BCAS1: variants seen among roughly 807,000 people sequenced by gnomAD.
The protein encoded by BCAS1 is breast carcinoma-amplified sequence 1.
Under a neutral mutation model 65.4 loss-of-function variants are expected in BCAS1, and 46 were observed. The ratio of observed to expected loss-of-function variants is 0.70; its 90% CI spans 0.55 to 0.90. The LOEUF (loss-of-function observed/expected upper bound fraction) is 0.90. Ranked by LOEUF, BCAS1 falls within the 40% of genes least tolerant of loss-of-function variation. The pLI is 0.00. For synonymous variants in BCAS1, 298 were observed against 293.5 expected, an observed-to-expected ratio of 1.02 and a Z score of -0.16; for missense variants, 793 against 771.2, an observed-to-expected ratio of 1.03 and a Z score of -0.33.
At chr20:53,983,225 G>GATA (rs3838056) in intron 8 of BCAS1, among the ~76,000 whole-genome samples, 6,207 of 152,242 alleles carry the variant, frequency 0.041, 514 homozygotes, top group East Asian at 0.36. Context: ...AGTATAGAAA[G>GATA]ATAAAGACGT....
At chr20:54,032,280 C>T (rs936169556) in intron 3 of BCAS1, among the ~76,000 whole-genome samples, 1 of 151,232 alleles carries the variant, frequency 6.6e-6, no homozygotes, top group African/African-American at 2.4e-5. Flanking sequence ...CAAGCAAATG[C>T]TAAGGGAATT....
intron 4 of BCAS1, among the ~76,000 whole-genome samples, chr20:54,018,972 A>G (rs904555990): frequency 6.6e-5 from 10 of 152,242 alleles, no homozygotes; most frequent in Middle Eastern, 3.2e-3. Flanking sequence ...TCTGAAATAT[A>G]GAATTGTATT....
At chr20:53,960,323 C>A (rs562147824) in intron 10 of BCAS1, among the ~76,000 whole-genome samples, 5 of 151,968 alleles carry the variant, frequency 3.3e-5, no homozygotes, top group African/African-American at 9.6e-5. Context: ...GCTTTCTTTC[C>A]CCCCATTTCT....
At chr20:53,991,318 T>C (rs897368121) in intron 7 of BCAS1, among the ~76,000 whole-genome samples, 21 of 152,324 alleles carry the variant, frequency 1.4e-4, no homozygotes, top group African/African-American at 5.1e-4. Flanking sequence ...TTCTTTTCTC[T>C]TCACAGAACA....
At chr20:53,962,962 T>G (rs2145595221) in intron 10 of BCAS1, among the ~76,000 whole-genome samples, 1 of 152,046 alleles carries the variant, frequency 6.6e-6, no homozygotes, top group East Asian at 1.9e-4. Context: ...GCCATTCTCC[T>G]GCCTCAGCCT....
At chr20:53,965,158 G>A (rs560176210) in intron 10 of BCAS1, among the ~76,000 whole-genome samples, 6 of 152,296 alleles carry the variant, frequency 3.9e-5, no homozygotes, top group African/African-American at 1.4e-4. Context: ...CATATGGGCC[G>A]CCCACAACTG....
At chr20:53,948,219 C>G (rs1600678572) in intron 12 of BCAS1, among the ~76,000 whole-genome samples, 1 of 152,180 alleles carries the variant, frequency 6.6e-6, no homozygotes, top group African/African-American at 2.4e-5. Flanking sequence ...GCTTACTTCC[C>G]CGAGGTTTCC....
chr20:54,059,597 C>T (rs1380638802), intron 1 of BCAS1, among the ~76,000 whole-genome samples: 1 of 151,350 alleles, frequency 6.6e-6, no homozygotes, highest in Non-Finnish European at 1.5e-5. Context: ...CACTTAAGGG[C>T]GAGAAAATGT....
At chr20:54,012,478 A>AAAG (rs2091343648) in intron 4 of BCAS1, among the ~76,000 whole-genome samples, 1 of 152,116 alleles carries the variant, frequency 6.6e-6, no homozygotes, top group African/African-American at 2.4e-5. Flanking sequence ...AAAAAAAAAA[A>AAAG]AAAAAAGCTT....
intron 1 of BCAS1, among the ~76,000 whole-genome samples, chr20:54,067,516 A>G (rs558575838): frequency 6.6e-6 from 1 of 152,216 alleles, no homozygotes; most frequent in African/African-American, 2.4e-5. Flanking sequence ...CATTTATCTT[A>G]TTATTGTTAT....
intron 12 of BCAS1, 100 bp from the exon 13 acceptor site, chr20:53,945,096 G>T: frequency 9.6e-7 from 1 of 1,044,450 alleles, no homozygotes; most frequent in Non-Finnish European, 1.5e-6. Flanking sequence ...TAGGTGTTGG[G>T]CTAAATTAAT....
At position 53,957,461 on chromosome 20, in the gene BCAS1, C is replaced by T. The variant is rs1458881413; in HGVS notation, c.1522G>A (p.Glu508Lys). The T allele has an allele frequency of 6.2e-7, 1 of 1,614,112 alleles. No homozygotes were observed. Among genetic ancestry groups the T allele is most frequent in the Non-Finnish European group, 8.5e-7 (1 of 1,179,948 alleles). ...CAGCTGGAGTCTTTCCCATTTATTT[C>T]TTCTGAGTGGGTGATCCCTCCATCC... ...KGDGGITHSE[E>K]INGKDSSCQT... is the part of the protein sequence containing the mutation. Residue 508 changes from glutamate to lysine, a missense_variant, in exon 11 of 13, where the codon GAA becomes AAA. Transcript: ENST00000688948.
At chr20:53,974,240 C>A (rs1221752675) in intron 9 of BCAS1, among the ~76,000 whole-genome samples, 1 of 152,152 alleles carries the variant, frequency 6.6e-6, no homozygotes. Flanking sequence ...CGCTTGGGTC[C>A]CCTTCCACGC....
intron 4 of BCAS1, among the ~76,000 whole-genome samples, chr20:54,027,760 G>C (rs1455505441): frequency 6.6e-6 from 1 of 150,576 alleles, no homozygotes; most frequent in East Asian, 1.9e-4. Context: ...CTGATTCCAG[G>C]ATACCTTCTT....
chr20:53,969,135 T>A (rs2090114885), intron 9 of BCAS1, among the ~76,000 whole-genome samples: 1 of 151,920 alleles, frequency 6.6e-6, no homozygotes, highest in South Asian at 2.1e-4. Flanking sequence ...ATATCCCTCA[T>A]CTAAGCTCAG....
intron 10 of BCAS1, among the ~76,000 whole-genome samples, chr20:53,962,905 C>T (rs1229716490): frequency 6.6e-6 from 1 of 152,038 alleles, no homozygotes; most frequent in African/African-American, 2.4e-5. Context: ...GGCTGGAGTG[C>T]AGTGGCGCGA....
chr20:54,065,113 C>CATCTATCTATCTATCT (rs5841974), intron 1 of BCAS1, among the ~76,000 whole-genome samples: 223 of 144,276 alleles, frequency 1.5e-3, no homozygotes, highest in East Asian at 2.5e-3. Context: ...ATCTATCTAT[C>CATCTATCTATCTATCT]ATCTATCTAT....
At chr20:54,053,463 C>A (rs1442835162) in intron 3 of BCAS1, among the ~76,000 whole-genome samples, 7 of 152,070 alleles carry the variant, frequency 4.6e-5, no homozygotes, top group African/African-American at 1.7e-4. Flanking sequence ...TATCGAAAGA[C>A]AAATAAAAGA....
chr20:54,025,603 C>T (rs1213326457), intron 4 of BCAS1, among the ~76,000 whole-genome samples: 1 of 152,040 alleles, frequency 6.6e-6, no homozygotes, highest in African/African-American at 2.4e-5. Context: ...GCTCTGTGGG[C>T]TTGTGGCTGG....
Sources: allele counts gnomAD v4.1 joint callset (sites outside exome capture counted in the v4.1 genomes callset), GRCh38; gene constraint gnomAD v4.1.1; transcripts MANE v1.5; gene names NCBI Gene and HGNC (gene_info 2026-07-23, HGNC 2026-07-21).